Variants in ADK observed in about 807,000 individuals in gnomAD.
ADK encodes the protein adenosine kinase.
A neutral mutation model predicts 44.7 loss-of-function variants in ADK; 24 were observed. The observed-to-expected ratio is 0.54, with a 90% confidence interval of 0.39 to 0.76. The LOEUF (loss-of-function observed/expected upper bound fraction) is 0.76, where lower values mean the gene tolerates loss of function less well. Ranked by LOEUF, ADK falls within the 30% of genes least tolerant of loss-of-function variation. The pLI, the probability that ADK is intolerant of heterozygous loss-of-function variation, is 0.00. For synonymous variants in ADK, 128 were observed against 142.6 expected (o/e 0.90, Z 0.73); for missense variants, 321 against 425.1 (o/e 0.76, Z 2.15).
intron 2 of ADK, among the ~76,000 whole-genome samples, chr10:74,218,364 C>T (rs1158738179): frequency 6.6e-6 from 1 of 152,118 alleles, no homozygotes; most frequent in African/African-American, 2.4e-5. Flanking sequence ...AAATATGGGA[C>T]TATGTGAAAA....
chr10:74,160,178 G>C (rs1841851133), intron 1 of ADK, among the ~76,000 whole-genome samples: 1 of 152,214 alleles, frequency 6.6e-6, no homozygotes, highest in African/African-American at 2.4e-5. Flanking sequence ...AACAGGGACA[G>C]AGTGGAATCA....
intron 4 of ADK, among the ~76,000 whole-genome samples, chr10:74,372,940 G>T (rs558300669): frequency 1.3e-5 from 2 of 152,144 alleles, no homozygotes; most frequent in South Asian, 2.1e-4. Flanking sequence ...ATTAAAAAAC[G>T]TATGATGAAG....
At chr10:74,182,543 A>G (rs1012185481) in intron 1 of ADK, among the ~76,000 whole-genome samples, 3 of 151,854 alleles carry the variant, frequency 2.0e-5, no homozygotes, top group African/African-American at 7.3e-5. Context: ...TAATTTTTGT[A>G]TTTTTAGTAG....
At chr10:74,337,040 G>A (rs1215424171) in intron 4 of ADK, among the ~76,000 whole-genome samples, 1 of 152,098 alleles carries the variant, frequency 6.6e-6, no homozygotes, top group African/African-American at 2.4e-5. Flanking sequence ...TTGCTTCCAA[G>A]TATTTTTTAT....
At chr10:74,560,140 A>G (rs1850403652) in intron 7 of ADK, among the ~76,000 whole-genome samples, 1 of 152,006 alleles carries the variant, frequency 6.6e-6, no homozygotes, top group African/African-American at 2.4e-5. Context: ...ACTAGTCTCA[A>G]TCTCCTGAGC....
intron 2 of ADK, among the ~76,000 whole-genome samples, chr10:74,215,539 G>A (rs1843979545): frequency 6.6e-6 from 1 of 151,996 alleles, no homozygotes; most frequent in South Asian, 2.1e-4. Context: ...TGGCCAGGCT[G>A]GTCTCAAACT....
intron 4 of ADK, among the ~76,000 whole-genome samples, chr10:74,383,130 G>GTAATAA (rs960867768): frequency 6.6e-6 from 1 of 151,556 alleles, no homozygotes; most frequent in East Asian, 1.9e-4. Context: ...AATTACAACA[G>GTAATAA]TAATAATAAT....
At chr10:74,291,297 G>C (rs1189720670) in intron 3 of ADK, among the ~76,000 whole-genome samples, 1 of 151,970 alleles carries the variant, frequency 6.6e-6, no homozygotes, top group Non-Finnish European at 1.5e-5. Flanking sequence ...GGCACCTGTA[G>C]TCCCAGCTAC....
chr10:74,527,765 C>G (rs1346259843), intron 7 of ADK: 11 of 1,565,608 alleles, frequency 7.0e-6, no homozygotes, highest in Non-Finnish European at 9.7e-6. Flanking sequence ...CCCAGACTTA[C>G]CACATCTGAG....
At chr10:74,690,051 T>C (rs1431172197) in intron 10 of ADK, among the ~76,000 whole-genome samples, 1 of 152,246 alleles carries the variant, frequency 6.6e-6, no homozygotes, top group East Asian at 1.9e-4. Context: ...GAAAGAATTT[T>C]ACAGTAGATT....
chr10:74,416,323 T>C (rs1844373707), intron 6 of ADK, among the ~76,000 whole-genome samples: 1 of 152,020 alleles, frequency 6.6e-6, no homozygotes, highest in African/African-American at 2.4e-5. Flanking sequence ...ATCTTTTGAC[T>C]CTAACCTCTT....
chr10:74,596,011 A>AC (rs1417936589), intron 8 of ADK, among the ~76,000 whole-genome samples: 1 of 148,688 alleles, frequency 6.7e-6, no homozygotes, highest in East Asian at 2.0e-4. Flanking sequence ...AAAAAAAAAA[A>AC]AAAAACCACT....
chr10:74,472,910 A>C (rs1006211294), intron 6 of ADK, among the ~76,000 whole-genome samples: 1 of 152,120 alleles, frequency 6.6e-6, no homozygotes, highest in Non-Finnish European at 1.5e-5. Flanking sequence ...AGCCAATACT[A>C]ATGGGTATTT....
chr10:74,667,803 G>C (rs1453117294), intron 9 of ADK, among the ~76,000 whole-genome samples: 1 of 152,038 alleles, frequency 6.6e-6, no homozygotes, highest in African/African-American at 2.4e-5. Flanking sequence ...AAAGTGCTAG[G>C]ATTACAGATG....
intron 3 of ADK, among the ~76,000 whole-genome samples, chr10:74,288,517 G>A (rs912156651): frequency 2.6e-5 from 4 of 152,068 alleles, no homozygotes; most frequent in African/African-American, 9.7e-5. Flanking sequence ...AGGCGTGGTG[G>A]CGGGCACCTA....
intron 9 of ADK, among the ~76,000 whole-genome samples, chr10:74,624,946 A>G (rs543239458): frequency 6.6e-6 from 1 of 152,220 alleles, no homozygotes; most frequent in South Asian, 2.1e-4. Context: ...CTTAAAAAAA[A>G]CATGAGAACC....
At chr10:74,547,588 TCTC>T (rs1015331870) in intron 7 of ADK, among the ~76,000 whole-genome samples, 5 of 151,162 alleles carry the variant, frequency 3.3e-5, no homozygotes, top group Non-Finnish European at 7.4e-5. Flanking sequence ...TTGAAGTGAT[TCTC>T]CTGCCTCAGC....
At position 74,176,672 on chromosome 10, in the gene ADK, C is replaced by T. The variant is rs1274032922; in HGVS notation, c.66-24092C>T. On this transcript the variant is annotated intron_variant, in intron 1 of 10. Coordinates refer to ENST00000539909, the MANE Select transcript of ADK (RefSeq NM_006721.4). The stretch of plus-strand genomic sequence containing the variant: ...TGGGGACGATCTCCAGCCCTTCGCA[C>T]GGGGCGGAGCGCCCGCCTTCCCTCC... The T allele has an allele frequency of 9.1e-6, 13 of 1,430,622 alleles. No homozygotes were observed. In the East Asian group the frequency reaches 1.5e-4, roughly 17 times the overall value. The allele number at this position is 1,430,622 out of a possible 1,614,324, so 88.6% of individuals were successfully genotyped here. A position where few individuals can be genotyped will look rare whatever the true frequency, so the allele number is the denominator to read the frequency against.
chr10:74,572,520 C>T (rs1384210164), intron 7 of ADK, among the ~76,000 whole-genome samples: 1 of 152,122 alleles, frequency 6.6e-6, no homozygotes, highest in African/African-American at 2.4e-5. Flanking sequence ...TTGTGGCATT[C>T]TCTGTGTTTG....
Sources: gnomAD v4.1 joint callset for allele counts (sites outside exome capture counted in the v4.1 genomes callset) on GRCh38, gnomAD v4.1.1 for gene constraint, MANE v1.5 for transcripts, NCBI Gene and HGNC (gene_info 2026-07-23, HGNC 2026-07-21) for gene names.